The following LRMDA variants were observed in gnomAD, a reference collection of about 807,000 sequenced individuals.
LRMDA encodes the protein leucine-rich melanocyte differentiation-associated protein.
In LRMDA, 18 loss-of-function variants were observed where a neutral mutation model predicts 29.8. The observed-to-expected ratio is 0.60, with a 90% CI of 0.42 to 0.90. LRMDA has a LOEUF of 0.90. LRMDA is among the 40% of genes least tolerant of loss of function. The probability of loss-of-function intolerance (pLI) is 0.00; values close to 1 mark genes in which losing one functional copy is unlikely to be tolerated. For synonymous variants in LRMDA, 125 were observed against 109.4 expected, an observed-to-expected ratio of 1.14 and a Z score of -0.89; for missense variants, 273 against 273.9, an observed-to-expected ratio of 1.00 and a Z score of 0.02.
chr10:75,728,338 T>C (rs1239838566), intron 2 of LRMDA, among the ~76,000 whole-genome samples: 1 of 152,032 alleles, frequency 6.6e-6, no homozygotes, highest in Non-Finnish European at 1.5e-5. Context: ...GGATTGTACA[T>C]AAAACCTTAC....
chr10:76,016,496 A>T (rs1456454136), intron 2 of LRMDA, among the ~76,000 whole-genome samples: 1 of 152,152 alleles, frequency 6.6e-6, no homozygotes. Context: ...TTCTTGAAAT[A>T]CTGCTTTAAC....
At chr10:75,691,121 T>C (rs1842145186) in intron 2 of LRMDA, among the ~76,000 whole-genome samples, 3 of 87,580 alleles carry the variant, frequency 3.4e-5, no homozygotes, top group African/African-American at 1.2e-4. Context: ...TATATATCTA[T>C]ATACATAGAT....
At chr10:75,780,851 G>T (rs1379350697) in intron 2 of LRMDA, among the ~76,000 whole-genome samples, 1 of 152,184 alleles carries the variant, frequency 6.6e-6, no homozygotes, top group Non-Finnish European at 1.5e-5. Flanking sequence ...AGCAAGTGTT[G>T]TTGTGTCCTG....
chr10:75,671,471 T>A (rs988389265), intron 2 of LRMDA, among the ~76,000 whole-genome samples: 1 of 152,128 alleles, frequency 6.6e-6, no homozygotes, highest in African/African-American at 2.4e-5. Context: ...AAAGAATCAG[T>A]CCATGTCCTT....
At chr10:76,162,265 A>G (rs1189665717) in intron 5 of LRMDA, among the ~76,000 whole-genome samples, 1 of 152,172 alleles carries the variant, frequency 6.6e-6, no homozygotes, top group Non-Finnish European at 1.5e-5. Context: ...GGGAAGAAGA[A>G]AGGAGAGAGA....
intron 2 of LRMDA, among the ~76,000 whole-genome samples, chr10:75,542,142 A>G (rs975144808): frequency 6.6e-6 from 1 of 152,216 alleles, no homozygotes. Context: ...CCAAAACCTG[A>G]CAAAGGGTGC....
intron 2 of LRMDA, among the ~76,000 whole-genome samples, chr10:75,586,821 G>GTT (rs11390766): frequency 9.0e-4 from 134 of 148,238 alleles, no homozygotes; most frequent in Middle Eastern, 3.5e-3. Context: ...GGGTTATTAG[G>GTT]TTTTTTTTTT....
intron 6 of LRMDA, among the ~76,000 whole-genome samples, chr10:76,515,700 T>G (rs914775529): frequency 6.6e-6 from 1 of 152,128 alleles, no homozygotes; most frequent in Admixed American, 6.6e-5. Context: ...GAGACATAGT[T>G]TTTCCTGTTG....
intron 2 of LRMDA, among the ~76,000 whole-genome samples, chr10:75,823,304 G>A (rs551209991): frequency 1.5e-4 from 23 of 152,178 alleles, no homozygotes; most frequent in African/African-American, 4.6e-4. Flanking sequence ...CAAAGGACAC[G>A]AACAGACATT....
Position 75,535,410 on chromosome 10 carries a change from C to T in LRMDA, c.131+96916C>T, listed in dbSNP as rs1295117576. Among the ~76,000 whole-genome samples, 15 of 152,138 alleles carry T rather than the reference C, an allele frequency of 9.9e-5. No homozygotes were observed. The South Asian group carries it at 2.1e-3, about 21-fold the overall frequency. ...TTATTTATTTATTTATTTCTCTAGT[C>T]GTCCTTTTATGAAGTGCACTGTCAG... On this transcript the variant is annotated intron_variant, in intron 2 of 6. Transcript: ENST00000611255.
intron 2 of LRMDA, among the ~76,000 whole-genome samples, chr10:75,952,804 T>A (rs923440036): frequency 6.6e-6 from 1 of 152,176 alleles, no homozygotes; most frequent in African/African-American, 2.4e-5. Context: ...TCACCCAGGC[T>A]GGAGTGCAGT....
At chr10:76,314,052 C>T (rs1840661973) in intron 5 of LRMDA, among the ~76,000 whole-genome samples, 1 of 151,550 alleles carries the variant, frequency 6.6e-6, no homozygotes, top group South Asian at 2.1e-4. Context: ...CTTGCAATAC[C>T]CAACAAAGCA....
At chr10:75,892,859 C>T (rs1845517414) in intron 2 of LRMDA, among the ~76,000 whole-genome samples, 4 of 152,160 alleles carry the variant, frequency 2.6e-5, no homozygotes, top group African/African-American at 9.7e-5. Flanking sequence ...CTATAGAGCT[C>T]ATCTGGCCAA....
intron 5 of LRMDA, among the ~76,000 whole-genome samples, chr10:76,167,821 T>C (rs1850768036): frequency 6.6e-6 from 1 of 152,222 alleles, no homozygotes. Context: ...GGGACTAGCA[T>C]TGAATTTATA....
chr10:75,920,558 G>A (rs1007188526), intron 2 of LRMDA, among the ~76,000 whole-genome samples: 1 of 152,136 alleles, frequency 6.6e-6, no homozygotes, highest in Non-Finnish European at 1.5e-5. Context: ...CTCTCTATGC[G>A]CTTTACAGAT....
chr10:75,721,938 C>T (rs900098852), intron 2 of LRMDA, among the ~76,000 whole-genome samples: 14 of 152,094 alleles, frequency 9.2e-5, no homozygotes, highest in Non-Finnish European at 1.6e-4. Context: ...GTGGTTATGA[C>T]GAGTTGAGGA....
intron 6 of LRMDA, among the ~76,000 whole-genome samples, chr10:76,357,441 G>GT (rs1841255709): frequency 6.6e-6 from 1 of 151,810 alleles, no homozygotes. Flanking sequence ...CATCAGAGGG[G>GT]TACCTTTTTC....
chr10:75,481,405 G>A (rs754112305), intron 2 of LRMDA, among the ~76,000 whole-genome samples: 2 of 152,102 alleles, frequency 1.3e-5, no homozygotes, highest in Non-Finnish European at 2.9e-5. Flanking sequence ...AAAACAGGAT[G>A]AGCTCTTGGA....
chr10:76,222,931 C>T (rs997365368), intron 5 of LRMDA, among the ~76,000 whole-genome samples: 10 of 152,062 alleles, frequency 6.6e-5, no homozygotes, highest in African/African-American at 2.2e-4. Flanking sequence ...GAATACTATG[C>T]AGCCATAAAA....
Sources: allele counts gnomAD v4.1 joint callset (sites outside exome capture counted in the v4.1 genomes callset), GRCh38; gene constraint gnomAD v4.1.1; transcripts MANE v1.5; gene names NCBI Gene and HGNC (gene_info 2026-07-23, HGNC 2026-07-21).